Variants in MAMDC2 observed in about 807,000 individuals in gnomAD.
The protein encoded by MAMDC2 is MAM domain containing 2.
MAMDC2 carries 57 observed loss-of-function variants against 89.8 expected under a neutral mutation model. The ratio of observed to expected loss-of-function variants is 0.63; its 90% CI spans 0.51 to 0.79. The LOEUF (loss-of-function observed/expected upper bound fraction) is 0.79. Among genes scored for constraint, MAMDC2 ranks in the 30% least tolerant of loss-of-function variants. MAMDC2 has a pLI of 0.00. For synonymous variants in MAMDC2, 313 were observed against 293.4 expected, an observed-to-expected ratio of 1.07 and a Z score of -0.68; for missense variants, 800 against 820.6, an observed-to-expected ratio of 0.97 and a Z score of 0.31.
chr9:70,115,761 T>G (rs531217271), intron 5 of MAMDC2, among the ~76,000 whole-genome samples: 2 of 152,154 alleles, frequency 1.3e-5, no homozygotes, highest in East Asian at 3.9e-4. Context: ...CTGTGTAGAG[T>G]GAATGATAAC....
At chr9:70,212,930 G>T (rs537970757) in intron 11 of MAMDC2, among the ~76,000 whole-genome samples, 1 of 152,324 alleles carries the variant, frequency 6.6e-6, no homozygotes, top group African/African-American at 2.4e-5. Flanking sequence ...AGAGGAGGCT[G>T]TGCAGGCTAT....
intron 2 of MAMDC2, among the ~76,000 whole-genome samples, chr9:70,099,516 G>C (rs376192643): frequency 3.3e-5 from 5 of 152,096 alleles, no homozygotes; most frequent in Admixed American, 2.6e-4. Flanking sequence ...TGGATGCTTT[G>C]CATGTATTAT....
intron 11 of MAMDC2, chr9:70,172,037 T>A (rs1179949757): frequency 6.6e-6 from 1 of 152,226 alleles, no homozygotes; most frequent in Non-Finnish European, 1.5e-5. Flanking sequence ...CATGGTAGAA[T>A]GTAATAATGA....
At chr9:70,135,139 A>C (rs754082092) in intron 7 of MAMDC2, among the ~76,000 whole-genome samples, 1 of 152,234 alleles carries the variant, frequency 6.6e-6, no homozygotes, top group Non-Finnish European at 1.5e-5. Context: ...AAAGCAAGTA[A>C]TTAACTAAAC....
chr9:70,139,631 T>G (rs1170397445), intron 7 of MAMDC2, among the ~76,000 whole-genome samples: 1 of 152,176 alleles, frequency 6.6e-6, no homozygotes, highest in African/African-American at 2.4e-5. Flanking sequence ...TTTGGGTATA[T>G]ACCCAGTAAT....
At chr9:70,130,807 C>CA (rs892994087) in intron 6 of MAMDC2, among the ~76,000 whole-genome samples, 32 of 149,198 alleles carry the variant, frequency 2.1e-4, no homozygotes, top group African/African-American at 4.9e-4. Context: ...AACAAAAAAA[C>CA]AAAAAAAAAC....
intron 11 of MAMDC2, among the ~76,000 whole-genome samples, chr9:70,207,437 G>A (rs12352944): frequency 0.13 from 20,329 of 152,214 alleles, 1,644 homozygotes; most frequent in African/African-American, 0.23. Flanking sequence ...CTTTTGAGAA[G>A]TGTCCGTTCA....
Position 70,141,296 on chromosome 9 carries a change from G to C in MAMDC2, c.1138+1008G>C, listed in dbSNP as rs533671937. 3.9e-5 allele frequency among the ~76,000 whole-genome samples: 6 copies of C among 152,296 alleles called. 1 individual carries two copies. In the East Asian group the frequency reaches 1.2e-3, roughly 29 times the overall value. On this transcript the variant is annotated intron_variant, in intron 8 of 13. Coordinates refer to ENST00000377182, the MANE Select transcript of MAMDC2 (RefSeq NM_153267.5). ...TGAATTCTGGGAGCAGTGAACTGAT[G>C]AAACGGGGAACTGTTTAGGGACAAA...
At chr9:70,138,769 T>C (rs1342782261) in intron 7 of MAMDC2, among the ~76,000 whole-genome samples, 1 of 152,098 alleles carries the variant, frequency 6.6e-6, no homozygotes, top group Non-Finnish European at 1.5e-5. Flanking sequence ...ACAGGGTAAA[T>C]AATACCAGAA....
At chr9:70,137,597 A>C (rs2031055681) in intron 7 of MAMDC2, among the ~76,000 whole-genome samples, 1 of 152,110 alleles carries the variant, frequency 6.6e-6, no homozygotes. Flanking sequence ...ACCCACCTGA[A>C]TGTTTTCTTG....
chr9:70,112,225 G>A (rs2118274997), intron 4 of MAMDC2, among the ~76,000 whole-genome samples: 1 of 152,326 alleles, frequency 6.6e-6, no homozygotes, highest in South Asian at 2.1e-4. Context: ...GGAGGCATTA[G>A]CTTGTGGGTT....
intron 11 of MAMDC2, among the ~76,000 whole-genome samples, chr9:70,212,065 C>T (rs967730551): frequency 1.1e-4 from 16 of 152,258 alleles, no homozygotes; most frequent in African/African-American, 3.6e-4. Flanking sequence ...AGTTAGGCTA[C>T]TTGGGGGTCA....
chr9:70,056,003 A>G (rs1023272819), intron 2 of MAMDC2, among the ~76,000 whole-genome samples: 8 of 152,214 alleles, frequency 5.3e-5, no homozygotes. Context: ...GTCCTGTGAT[A>G]TATAACTTTG....
At chr9:70,121,782 G>A (rs935857355) in intron 5 of MAMDC2, among the ~76,000 whole-genome samples, 5 of 151,428 alleles carry the variant, frequency 3.3e-5, no homozygotes, top group Non-Finnish European at 7.4e-5. Flanking sequence ...AGATAGGAGT[G>A]TTGGGTTCAT....
intron 5 of MAMDC2, among the ~76,000 whole-genome samples, chr9:70,118,662 G>A (rs531180065): frequency 6.6e-6 from 1 of 152,296 alleles, no homozygotes; most frequent in African/African-American, 2.4e-5. Context: ...TGCTCTATGT[G>A]AGTTCATCTT....
rs77916042 is a variant in MAMDC2, at chr9:70,147,706, C to T, written c.1404+3887C>T. Among the ~76,000 whole-genome samples the T allele has an allele frequency of 3.5e-3, 533 of 150,236 alleles. 18 individuals are homozygous for T. The highest frequency in any genetic ancestry group is 2.9e-3 in the Non-Finnish European group (198 of 67,506). On this transcript the variant is annotated intron_variant, in intron 9 of 13. Transcript: ENST00000377182. ...TTACTGAACTTTCACATTGTTATGG[C>T]GTAGAACATTTATATTCCTACAGTT...
At chr9:70,133,932 GT>G (rs2030906685) in intron 7 of MAMDC2, among the ~76,000 whole-genome samples, 1 of 152,220 alleles carries the variant, frequency 6.6e-6, no homozygotes, top group South Asian at 2.1e-4. Context: ...CCTGCTTTAT[GT>G]CTTTCATTGA....
intron 7 of MAMDC2, among the ~76,000 whole-genome samples, chr9:70,133,240 G>C (rs1000747683): frequency 6.6e-6 from 1 of 152,172 alleles, no homozygotes; most frequent in Non-Finnish European, 1.5e-5. Context: ...GCGCTGGGCA[G>C]AGGGTGGGTG....
At chr9:70,116,631 T>A (rs1197078821) in intron 5 of MAMDC2, among the ~76,000 whole-genome samples, 2 of 150,590 alleles carry the variant, frequency 1.3e-5, no homozygotes, top group Non-Finnish European at 2.9e-5. Context: ...CACCATTCAG[T>A]GAGATCTATT....
Sources: gnomAD v4.1 joint callset for allele counts (sites outside exome capture counted in the v4.1 genomes callset) on GRCh38, gnomAD v4.1.1 for gene constraint, MANE v1.5 for transcripts, NCBI Gene and HGNC (gene_info 2026-07-23, HGNC 2026-07-21) for gene names.